The following ANO6 variants were observed in gnomAD, a reference collection of about 807,000 sequenced individuals.
ANO6 encodes anoctamin-6.
Under a neutral mutation model 117.5 loss-of-function variants are expected in ANO6, and 106 were observed. The observed-to-expected ratio is 0.90, with a 90% CI of 0.77 to 1.06. The LOEUF is 1.06. Ranked by LOEUF, ANO6 falls within the 50% of genes least tolerant of loss-of-function variation. The pLI is 0.00. For missense variants in ANO6, 955 were observed against 1,121.1 expected (o/e 0.85, Z 2.12); for synonymous variants, 367 against 385.1 (o/e 0.95, Z 0.55).
intron 12 of ANO6, among the ~76,000 whole-genome samples, chr12:45,401,299 A>T (rs1942779638): frequency 1.3e-5 from 2 of 152,236 alleles, no homozygotes. Context: ...TTCTGTTGCA[A>T]GGAAATGTAG....
At chr12:45,294,656 T>C (rs1190978753) in intron 1 of ANO6, among the ~76,000 whole-genome samples, 4 of 152,234 alleles carry the variant, frequency 2.6e-5, no homozygotes, top group Admixed American at 2.6e-4. Context: ...AGTAACAGAC[T>C]GGGTAAGAGA....
intron 7 of ANO6, 150 bp from the exon 8 acceptor site, chr12:45,357,140 G>T (rs1481445985): frequency 3.7e-6 from 3 of 811,140 alleles, no homozygotes; most frequent in Non-Finnish European, 5.9e-6. Context: ...TAGAATTCAG[G>T]GTCTGCTGTG....
chr12:45,258,846 A>T (rs1052468861), intron 1 of ANO6, among the ~76,000 whole-genome samples: 39 of 152,196 alleles, frequency 2.6e-4, no homozygotes, highest in African/African-American at 9.2e-4. Context: ...AGCTGGAAAT[A>T]AAAGATTGTT....
intron 1 of ANO6, among the ~76,000 whole-genome samples, chr12:45,271,596 G>A (rs1369461463): frequency 6.6e-6 from 1 of 152,102 alleles, no homozygotes; most frequent in Non-Finnish European, 1.5e-5. Context: ...TCATTGCAGT[G>A]TACTTAGGAT....
At chr12:45,440,037 A>G in exon 20 of ANO6, 2 of 1,213,926 alleles carry the variant, frequency 1.6e-6, no homozygotes, top group Non-Finnish European at 2.1e-6. Flanking sequence ...TGGCTCATTA[A>G]TATTCCAATA....
chr12:45,389,602 T>G (rs1942388143), intron 11 of ANO6, among the ~76,000 whole-genome samples: 1 of 152,244 alleles, frequency 6.6e-6, no homozygotes, highest in Non-Finnish European at 1.5e-5. Flanking sequence ...TCGTTTCACT[T>G]TCATTGCCCA....
chr12:45,406,558 G>A (rs11183016), intron 15 of ANO6, among the ~76,000 whole-genome samples: 2,034 of 151,870 alleles, frequency 0.013, 39 homozygotes, highest in African/African-American at 0.047. Flanking sequence ...TAACATAAAC[G>A]CCTCTTCTTA....
intron 2 of ANO6, chr12:45,313,291 C>G (rs1939905445): frequency 6.6e-6 from 1 of 152,076 alleles, no homozygotes; most frequent in Non-Finnish European, 1.5e-5. Context: ...ACCCTGCTCT[C>G]AGACCTCTGT....
Position 45,424,363 on chromosome 12 carries a change from G to C in ANO6, c.2526+1301G>C, listed in dbSNP as rs558597943. ...TTTTTTTTTTTTTTTTTTAAAGACA[G>C]AGTCTCACTCTGTTGCCCAGGCTGG... is the stretch of plus-strand genomic sequence containing the variant. On this transcript the variant is annotated intron_variant, in intron 19 of 19. Coordinates refer to ENST00000320560, the MANE Select transcript of ANO6 (RefSeq NM_001025356.3). Among the ~76,000 whole-genome samples the C allele has an allele frequency of 3.2e-3, 318 of 98,310 alleles. 1 individual carries two copies. The highest frequency in any genetic ancestry group is 5.3e-3 in the Non-Finnish European group (281 of 53,378). 64.5% of individuals were successfully genotyped at this position (98,310 alleles called of 152,430 possible). A position where few individuals can be genotyped will look rare whatever the true frequency, so the allele number is the denominator to read the frequency against.
chr12:45,329,260 T>C (rs10785569), intron 2 of ANO6, among the ~76,000 whole-genome samples: 14,227 of 152,168 alleles, frequency 0.093, 994 homozygotes, highest in East Asian at 0.32. Context: ...TATTAGTTTC[T>C]CCCTTTTTCC....
At chr12:45,436,501 T>C (rs961086937), downstream of ANO6, among the ~76,000 whole-genome samples, 1 of 152,186 alleles carries the variant, frequency 6.6e-6, no homozygotes, top group Admixed American at 6.5e-5. Flanking sequence ...ATGTCTATGC[T>C]TCTCACCCTG....
chr12:45,392,848 A>G (rs1478548469), intron 12 of ANO6, among the ~76,000 whole-genome samples: 1 of 152,240 alleles, frequency 6.6e-6, no homozygotes, highest in African/African-American at 2.4e-5. Context: ...GTAGGTCACC[A>G]ACATCAAAGA....
chr12:45,233,587 CTT>C lies in ANO6; in HGVS notation c.70+17197_70+17198del, dbSNP rs1454327321. Among the ~76,000 whole-genome samples, 10 of 152,144 alleles carry C rather than the reference CTT, an allele frequency of 6.6e-5. No homozygotes were observed. The East Asian group carries it at 1.7e-3, about 26-fold the overall frequency. On this transcript the variant is annotated intron_variant, in intron 1 of 19. Coordinates refer to ENST00000320560, the MANE Select transcript of ANO6 (RefSeq NM_001025356.3). ...ATTAACATTATCTTTTGCCTGTGCTCTTGTCTGAACCCTCTATTCCTAGTACT... is the reference window on the plus strand; with the variant it reads ...ATTAACATTATCTTTTGCCTGTGCTCGTCTGAACCCTCTATTCCTAGTACT...
chr12:45,353,274 T>C (rs894446944), intron 7 of ANO6, among the ~76,000 whole-genome samples: 2 of 152,154 alleles, frequency 1.3e-5, no homozygotes, highest in African/African-American at 4.8e-5. Context: ...TCACCGAGAT[T>C]ACAGTCATGA....
chr12:45,291,994 T>C (rs919677725), intron 1 of ANO6, among the ~76,000 whole-genome samples: 7 of 152,186 alleles, frequency 4.6e-5, no homozygotes, highest in Non-Finnish European at 1.0e-4. Flanking sequence ...AAACAGGGAC[T>C]CAGATACTTG....
At position 45,401,915 on chromosome 12, in the gene ANO6, A is replaced by G; in HGVS notation, c.1507A>G (p.Thr503Ala). The part of the protein sequence containing the change: ...NGTDPIQKYL[T>A]PQTATSITAS... ...AACAGACCCAATCCAGAAATACCTG[A>G]CTCCACAGACAGCCACGTCCATCAC... Residue 503 changes from threonine (T) to alanine (A), a missense_variant, in exon 13 of 20, where the codon ACT becomes GCT. Coordinates refer to ENST00000320560, the MANE Select transcript of ANO6 (RefSeq NM_001025356.3). 6.2e-7 allele frequency: 1 copy of G among 1,613,514 alleles called. No individual in the cohort carries two copies. The highest frequency in any genetic ancestry group is 8.5e-7 in the Non-Finnish European group (1 of 1,179,852).
intron 15 of ANO6, among the ~76,000 whole-genome samples, chr12:45,404,858 CT>C (rs1942892285): frequency 6.6e-6 from 1 of 152,170 alleles, no homozygotes; most frequent in Non-Finnish European, 1.5e-5. Flanking sequence ...TCACATACAA[CT>C]TCTCTCTCCT....
chr12:45,216,492 G>C (rs1947314321), intron 1 of ANO6, 101 bp downstream of exon 1: 3 of 1,359,794 alleles, frequency 2.2e-6, no homozygotes, highest in Non-Finnish European at 3.0e-6. Flanking sequence ...GGGGGAGGTT[G>C]GCCGAGACGC....
chr12:45,286,651 C>T (rs554564388), intron 1 of ANO6, among the ~76,000 whole-genome samples: 2 of 152,274 alleles, frequency 1.3e-5, no homozygotes, highest in South Asian at 4.1e-4. Flanking sequence ...AGCTGTATAC[C>T]CCTCTTTTAA....
Sources: allele counts gnomAD v4.1 joint callset (sites outside exome capture counted in the v4.1 genomes callset), GRCh38; gene constraint gnomAD v4.1.1; transcripts MANE v1.5; gene names NCBI Gene and HGNC (gene_info 2026-07-23, HGNC 2026-07-21).